Variants in PRMT8 observed in about 807,000 individuals in gnomAD.
PRMT8 encodes protein arginine methyltransferase 8, also known as protein arginine N-methyltransferase 8.
Under a neutral mutation model 47.1 loss-of-function variants are expected in PRMT8, and 7 were observed. The ratio of observed to expected loss-of-function variants is 0.15; its 90% CI spans 0.08 to 0.28. The LOEUF is 0.28. PRMT8 is among the 10% of genes least tolerant of loss of function. The probability of loss-of-function intolerance (pLI) is 1.00; values close to 1 mark genes in which losing one functional copy is unlikely to be tolerated. For synonymous variants in PRMT8, 188 were observed against 186.5 expected, an observed-to-expected ratio of 1.01 and a Z score of -0.07; for missense variants, 237 against 505.4, an observed-to-expected ratio of 0.47 and a Z score of 5.09.
At chr12:3,479,935 A>G (rs1227724842) in intron 1 of PRMT8, among the ~76,000 whole-genome samples, 4 of 152,202 alleles carry the variant, frequency 2.6e-5, no homozygotes, top group African/African-American at 9.6e-5. Context: ...GTAGAGGTAG[A>G]AAAGGTTAAA....
At chr12:3,507,322 C>G (rs1044655141) in intron 1 of PRMT8, among the ~76,000 whole-genome samples, 1 of 151,926 alleles carries the variant, frequency 6.6e-6, no homozygotes, top group Non-Finnish European at 1.5e-5. Context: ...GGCGTTTCAC[C>G]GTGTTAGCCA....
Position 3,492,573 on chromosome 12 carries a change from C to G in PRMT8, c.75+873C>G, listed in dbSNP as rs965429577. 1.2e-4 allele frequency among the ~76,000 whole-genome samples: 19 copies of G among 152,200 alleles called. No individual in the cohort carries two copies. The highest frequency in any genetic ancestry group is 4.6e-4 in the African/African-American group (19 of 41,446). ...CCTTTTTCTCTACTCTCCAGCTGGCCCTGAGCCGCAGAGAGCCCTGCTGGG... is the reference window on the plus strand; with the variant it reads ...CCTTTTTCTCTACTCTCCAGCTGGCGCTGAGCCGCAGAGAGCCCTGCTGGG... On this transcript the variant is annotated intron_variant, in intron 1 of 9. Coordinates refer to ENST00000382622, the MANE Select transcript of PRMT8 (RefSeq NM_019854.5). The surrounding 1 kb of genome is among the most constrained non-coding windows in gnomAD (Gnocchi z 7.5).
chr12:3,408,243 T>C (rs543432553), intron 1 of PRMT8, among the ~76,000 whole-genome samples: 55 of 151,722 alleles, frequency 3.6e-4, no homozygotes, highest in African/African-American at 1.2e-3. Context: ...CTTTTCTTTT[T>C]TTTCTTTCTA....
intron 1 of PRMT8, among the ~76,000 whole-genome samples, chr12:3,504,969 G>T (rs1865595419): frequency 9.3e-6 from 1 of 106,990 alleles, no homozygotes; most frequent in Non-Finnish European, 1.9e-5. Flanking sequence ...GATTTTCCAG[G>T]TGCGTCCGTC....
chr12:3,592,424 C>T (rs1006331427), intron 9 of PRMT8, 72 bp downstream of exon 9: 4 of 1,514,654 alleles, frequency 2.6e-6, no homozygotes, highest in East Asian at 2.5e-5. Flanking sequence ...GACCCACTTG[C>T]CCGGGTTCTT....
intron 1 of PRMT8, among the ~76,000 whole-genome samples, chr12:3,426,537 A>G (rs537775934): frequency 3.0e-4 from 45 of 152,246 alleles, no homozygotes; most frequent in African/African-American, 1.1e-3. Flanking sequence ...GTCTGAGGAG[A>G]GTCAGGAGGG....
chr12:3,505,031 GGT>G (rs1555086353), intron 1 of PRMT8, among the ~76,000 whole-genome samples: 1 of 135,036 alleles, frequency 7.4e-6, no homozygotes, highest in Admixed American at 7.5e-5. Context: ...GCGCTTCCCA[GGT>G]GAGGCAATGC....
At chr12:3,447,898 T>C (rs996368093) in intron 1 of PRMT8, among the ~76,000 whole-genome samples, 4 of 152,216 alleles carry the variant, frequency 2.6e-5, no homozygotes, top group Non-Finnish European at 4.4e-5. Context: ...CTGATTTTTA[T>C]AGGGACGGAT....
intron 1 of PRMT8, among the ~76,000 whole-genome samples, chr12:3,529,497 G>C (rs540711579): frequency 6.6e-6 from 1 of 152,250 alleles, no homozygotes; most frequent in East Asian, 1.9e-4. Flanking sequence ...AGTGGCTGAC[G>C]TTATTCCCTC....
At chr12:3,520,601 T>C (rs1865866305) in intron 1 of PRMT8, among the ~76,000 whole-genome samples, 1 of 152,250 alleles carries the variant, frequency 6.6e-6, no homozygotes, top group Admixed American at 6.5e-5. Flanking sequence ...CATAATGGAA[T>C]AAGGCTGTTT....
chr12:3,472,690 C>T (rs182463989), intron 1 of PRMT8, among the ~76,000 whole-genome samples: 1 of 152,304 alleles, frequency 6.6e-6, no homozygotes, highest in Non-Finnish European at 1.5e-5. Flanking sequence ...ATAGGAGGGT[C>T]AGAGCATCTC....
In PRMT8 at chr12:3,570,127, G is replaced by A. The variant is rs1469388173; in HGVS notation, c.712+563G>A. Among the ~76,000 whole-genome samples the A allele has an allele frequency of 6.6e-6, 1 of 152,190 alleles. No homozygotes were observed. The highest frequency in any genetic ancestry group is 1.5e-5 in the Non-Finnish European group (1 of 68,040). On this transcript the variant is annotated intron_variant, in intron 6 of 9. Coordinates refer to ENST00000382622, the MANE Select transcript of PRMT8 (RefSeq NM_019854.5). This position sits in a 1 kb window ranked among gnomAD's most constrained non-coding sequence, Gnocchi z 5.5. Reference sequence around the variant, plus strand: ...TCAAACGAAAGGCGAGTGTGCATGTGTGCATGAGGCAGGGGCTCGTATCTA... The same window carrying A: ...TCAAACGAAAGGCGAGTGTGCATGTATGCATGAGGCAGGGGCTCGTATCTA...
chr12:3,525,099 G>A (rs1444371678), intron 1 of PRMT8, among the ~76,000 whole-genome samples: 3 of 152,158 alleles, frequency 2.0e-5, no homozygotes, highest in Non-Finnish European at 4.4e-5. Context: ...GTGCATGCCT[G>A]TAATCCCAGC....
chr12:3,592,454 A>G, intron 9 of PRMT8, 102 bp downstream of exon 9: 1 of 1,327,310 alleles, frequency 7.5e-7, no homozygotes, highest in Non-Finnish European at 1.0e-6. Flanking sequence ...ATGAACAGTC[A>G]GAAACTTACT....
At chr12:3,384,442 T>A (rs181155142) in intron 1 of PRMT8, among the ~76,000 whole-genome samples, 75 of 152,332 alleles carry the variant, frequency 4.9e-4, no homozygotes, top group African/African-American at 1.7e-3. Flanking sequence ...TTAAACCAGA[T>A]TAAAATTTGA....
intron 2 of PRMT8, among the ~76,000 whole-genome samples, chr12:3,545,577 A>G (rs1052216734): frequency 1.3e-5 from 2 of 152,146 alleles, no homozygotes; most frequent in African/African-American, 4.8e-5. Context: ...TCTGTATCTC[A>G]CCTGAATCTC....
rs139838267 is a variant in PRMT8, at chr12:3,407,525, T to C, written c.48+26083T>C. Among the ~76,000 whole-genome samples the C allele has an allele frequency of 2.8e-4, 43 of 152,334 alleles. No homozygotes were observed. The East Asian group carries it at 7.9e-3, about 28-fold the overall frequency. ...CCCTTATATGCAACTTAATGCTTTT[T>C]TCTTGCTGCTTTTAAAATGCTCTCT... On this transcript the variant is annotated intron_variant, in intron 1 of 9. Coordinates refer to the PRMT8 transcript ENST00000452611.
At chr12:3,432,801 A>G (rs537171294) in intron 1 of PRMT8, among the ~76,000 whole-genome samples, 2 of 152,294 alleles carry the variant, frequency 1.3e-5, no homozygotes, top group South Asian at 4.2e-4. Context: ...TTGTTTTGAA[A>G]AAAGCAATGC....
intron 8 of PRMT8, among the ~76,000 whole-genome samples, chr12:3,589,074 T>G (rs1867242228): frequency 6.6e-6 from 1 of 152,248 alleles, no homozygotes; most frequent in South Asian, 2.1e-4. Context: ...TAAAATCATA[T>G]ACCACTCTAA....
Sources: gnomAD v4.1 joint callset for allele counts (sites outside exome capture counted in the v4.1 genomes callset) on GRCh38, gnomAD v4.1.1 for gene constraint, Gnocchi (gnomAD v3.1) non-coding constraint, MANE v1.5 for transcripts, NCBI Gene and HGNC (gene_info 2026-07-23, HGNC 2026-07-21) for gene names.